NTM: variants seen among roughly 807,000 people sequenced by gnomAD.
The protein encoded by NTM is IgLON family member 2.
A neutral mutation model predicts 42.1 loss-of-function variants in NTM; 13 were observed. The ratio of observed to expected loss-of-function variants is 0.31; its 90% confidence interval spans 0.20 to 0.49. NTM has a LOEUF of 0.49. NTM is among the 20% of genes least tolerant of loss of function. The pLI is 0.99. For synonymous variants in NTM, 187 were observed against 179.2 expected (o/e 1.04, Z -0.35); for missense variants, 373 against 452.8 (o/e 0.82, Z 1.60).
intron 1 of NTM, among the ~76,000 whole-genome samples, chr11:131,869,856 G>A (rs1443808722): frequency 2.0e-5 from 3 of 152,158 alleles, no homozygotes; most frequent in Non-Finnish European, 2.9e-5. Flanking sequence ...CTGTGAGCAC[G>A]GCTCTCACTC....
chr11:131,961,494 G>A (rs1234965504), intron 2 of NTM, among the ~76,000 whole-genome samples: 1 of 152,176 alleles, frequency 6.6e-6, no homozygotes, highest in Non-Finnish European at 1.5e-5. Context: ...TGTGATGAAA[G>A]GTGCAGCATT....
intron 1 of NTM, among the ~76,000 whole-genome samples, chr11:131,430,733 A>C (rs1250592722): frequency 6.6e-6 from 1 of 152,240 alleles, no homozygotes; most frequent in Non-Finnish European, 1.5e-5. Flanking sequence ...CAGGGCTGAC[A>C]GGTCCTCTGC....
At chr11:131,782,772 A>T (rs1045604885) in intron 1 of NTM, among the ~76,000 whole-genome samples, 20 of 152,180 alleles carry the variant, frequency 1.3e-4, no homozygotes, top group Non-Finnish European at 1.0e-4. Context: ...GCATTTGATA[A>T]ATTCAACATT....
rs191541467 is a variant in NTM at position 132,184,096 on chromosome 11, T to C, written c.401-27926T>C. Among the ~76,000 whole-genome samples, 262 of 152,232 alleles carry C rather than the reference T, an allele frequency of 1.7e-3. 2 individuals carry two copies. The highest frequency in any genetic ancestry group is 0.017 in the Middle Eastern group (5 of 294). On this transcript the variant is annotated intron_variant, in intron 3 of 8. Transcript: ENST00000683400. ...AGCTGAAGATTTTGTATTTCAAACA[T>C]TTTACTACCGTTTTTGAGAGCCTCT...
At chr11:132,154,045 C>T (rs1319952598) in intron 3 of NTM, among the ~76,000 whole-genome samples, 1 of 152,104 alleles carries the variant, frequency 6.6e-6, no homozygotes, top group Non-Finnish European at 1.5e-5. Flanking sequence ...GCTTGGAAGG[C>T]TGAACGTGTA....
chr11:131,465,534 C>T (rs1054810707), intron 1 of NTM, among the ~76,000 whole-genome samples: 10 of 152,134 alleles, frequency 6.6e-5, no homozygotes, highest in Admixed American at 6.5e-4. Context: ...CATTAAAGTT[C>T]TTGTCATACC....
intron 4 of NTM, among the ~76,000 whole-genome samples, chr11:132,304,687 G>C (rs947845409): frequency 6.6e-6 from 1 of 152,172 alleles, no homozygotes; most frequent in Non-Finnish European, 1.5e-5. Flanking sequence ...AGAGAAAAAG[G>C]TGGGTGAGGA....
intron 1 of NTM, among the ~76,000 whole-genome samples, chr11:131,681,957 C>T (rs970450375): frequency 1.3e-5 from 2 of 151,940 alleles, no homozygotes; most frequent in Admixed American, 1.3e-4. Flanking sequence ...GGCTAGAGAA[C>T]CCGGCTAAGT....
chr11:132,138,277 G>C (rs2068345545), intron 2 of NTM, among the ~76,000 whole-genome samples: 1 of 152,096 alleles, frequency 6.6e-6, no homozygotes, highest in South Asian at 2.1e-4. Flanking sequence ...TACACACCAA[G>C]ATAAAGTATG....
At chr11:131,418,495 A>C (rs1947172866) in intron 1 of NTM, among the ~76,000 whole-genome samples, 1 of 152,208 alleles carries the variant, frequency 6.6e-6, no homozygotes, top group Admixed American at 6.5e-5. Context: ...CAGTTCTTTC[A>C]AAGACTGGGC....
chr11:131,830,189 A>T (rs918255820), intron 1 of NTM, among the ~76,000 whole-genome samples: 2 of 152,006 alleles, frequency 1.3e-5, no homozygotes, highest in African/African-American at 4.8e-5. Context: ...ATTAAGTTCC[A>T]CTTGTCGATT....
intron 1 of NTM, among the ~76,000 whole-genome samples, chr11:131,477,506 C>T (rs1041054868): frequency 6.6e-6 from 1 of 151,804 alleles, no homozygotes; most frequent in Non-Finnish European, 1.5e-5. Flanking sequence ...GGAGAGAGTA[C>T]AGAGGAGAGG....
intron 3 of NTM, among the ~76,000 whole-genome samples, chr11:132,172,643 C>A (rs1223237323): frequency 6.6e-6 from 1 of 152,188 alleles, no homozygotes; most frequent in Non-Finnish European, 1.5e-5. Flanking sequence ...AGCATGTAGC[C>A]TCACAAGATA....
chr11:131,598,875 T>TCCTTCCTTCCTTC (rs1174189983), intron 1 of NTM, among the ~76,000 whole-genome samples: 1 of 35,034 alleles, frequency 2.9e-5, no homozygotes, highest in African/African-American at 9.8e-5. Context: ...CTTCCTTCCT[T>TCCTTCCTTCCTTC]CTTCCTTCCT....
chr11:131,735,702 A>G (rs1379393495), intron 1 of NTM, among the ~76,000 whole-genome samples: 1 of 152,242 alleles, frequency 6.6e-6, no homozygotes, highest in Non-Finnish European at 1.5e-5. Context: ...GGGTGCTTCC[A>G]TGCCCCTTAG....
chr11:131,826,794 A>G (rs1220150864), intron 1 of NTM, among the ~76,000 whole-genome samples: 1 of 152,060 alleles, frequency 6.6e-6, no homozygotes, highest in East Asian at 1.9e-4. Flanking sequence ...AAACTGCCAG[A>G]GTGTTGGCCC....
Position 131,803,382 on chromosome 11 carries a change from C to T in NTM, c.83-108182C>T, listed in dbSNP as rs188223263. ...GGAGTACAGTGGTGCAATCTTGGCT[C>T]ACCGCAAGCTCTGCCTCCTGGGTTC... On this transcript the variant is annotated intron_variant, in intron 1 of 8. Coordinates refer to ENST00000683400, the MANE Select transcript of NTM (RefSeq NM_001352005.2). 1.6e-3 allele frequency among the ~76,000 whole-genome samples: 240 copies of T among 151,934 alleles called. 2 individuals are homozygous for T. Among genetic ancestry groups the T allele is most frequent in the Non-Finnish European group, 8.4e-4 (57 of 67,986 alleles).
intron 1 of NTM, among the ~76,000 whole-genome samples, chr11:131,690,009 T>TG (rs2074450888): frequency 6.6e-6 from 1 of 152,166 alleles, no homozygotes; most frequent in Admixed American, 6.5e-5. Context: ...ATGAACCTGG[T>TG]GGTCTCACAG....
intron 1 of NTM, among the ~76,000 whole-genome samples, chr11:131,384,573 G>C (rs1943079961): frequency 6.6e-6 from 1 of 152,092 alleles, no homozygotes; most frequent in South Asian, 2.1e-4. Flanking sequence ...AAGAGAGAGA[G>C]AGAGAGTGAG....
Sources: gnomAD v4.1 joint callset for allele counts (sites outside exome capture counted in the v4.1 genomes callset) on GRCh38, gnomAD v4.1.1 for gene constraint, MANE v1.5 for transcripts, NCBI Gene and HGNC (gene_info 2026-07-23, HGNC 2026-07-21) for gene names.